Variants in GPN1 observed in about 807,000 individuals in gnomAD.
GPN1 encodes the protein GPN-loop GTPase 1.
A neutral mutation model predicts 55.9 loss-of-function variants in GPN1; 44 were observed. That is an observed-to-expected ratio of 0.79 (90% CI 0.62 to 1.01). GPN1 has a LOEUF of 1.01. GPN1 is among the 50% of genes least tolerant of loss of function. The probability of loss-of-function intolerance (pLI) is 0.00; values close to 1 mark genes in which losing one functional copy is unlikely to be tolerated. For missense variants in GPN1, 466 were observed against 462.8 expected, an observed-to-expected ratio of 1.01 and a Z score of -0.06; for synonymous variants, 179 against 162.5, an observed-to-expected ratio of 1.10 and a Z score of -0.77.
At chr2:27,649,354 G>A (rs1316314961) in intron 13 of GPN1, among the ~76,000 whole-genome samples, 2 of 151,880 alleles carry the variant, frequency 1.3e-5, no homozygotes, top group African/African-American at 4.8e-5. Context: ...GGTTTTACAT[G>A]TAAATTGCCT....
rs780750410 is a variant in GPN1, at chr2:27,650,236, C to T, written c.*36C>T. ...CACACTTCACTTGTTTCTAGAAGTC[C>T]AGAATTTTGGACCTCCACGTGAAAG... On this transcript the variant is annotated 3_prime_UTR_variant, in exon 14 of 14. Transcript: ENST00000610189. 9.4e-6 allele frequency: 12 copies of T among 1,280,988 alleles called. No homozygotes were observed. The Admixed American group carries it at 2.1e-4, about 22-fold the overall frequency. The allele number at this position is 1,280,988 out of a possible 1,614,324, so 79.4% of individuals were successfully genotyped here. A position where few individuals can be genotyped will look rare whatever the true frequency, so the allele number is the denominator to read the frequency against.
At chr2:27,638,861 A>G (rs375273469) in intron 8 of GPN1, 24 bp from the exon 9 acceptor site, 13 of 1,580,452 alleles carry the variant, frequency 8.2e-6, no homozygotes, top group Middle Eastern at 3.6e-4. Flanking sequence ...CTGGTTGCTC[A>G]TAATTGACTT....
intron 3 of GPN1, 183 bp downstream of exon 3, chr2:27,631,249 C>T: frequency 1.7e-6 from 1 of 591,292 alleles, no homozygotes; most frequent in South Asian, 2.0e-5. Context: ...GTTTTCTTAC[C>T]ATCTCCCCAG....
chr2:27,634,698 G>A, intron 5 of GPN1, 148 bp from the exon 6 acceptor site: 1 of 639,766 alleles, frequency 1.6e-6, no homozygotes, highest in Non-Finnish European at 2.9e-6. Context: ...ATCATGTGCA[G>A]TTTAGGGCCA....
intron 5 of GPN1, among the ~76,000 whole-genome samples, chr2:27,634,515 G>A (rs527589836): frequency 2.0e-5 from 3 of 152,044 alleles, no homozygotes; most frequent in Admixed American, 6.5e-5. Context: ...ACTCACCCCC[G>A]CCCTAAGCAA....
upstream of GPN1, chr2:27,629,018 T>A (rs1490795517): frequency 6.2e-6 from 10 of 1,613,300 alleles, no homozygotes; most frequent in Non-Finnish European, 1.7e-6. Context: ...TCTCTACCCA[T>A]GCGGTGTCTC....
chr2:27,639,009 A>G lies in GPN1; in HGVS notation c.695A>G (p.Asp232Gly), dbSNP rs1396399901. 2 of 1,612,616 alleles carry G rather than the reference A, an allele frequency of 1.2e-6. No individual in the cohort carries two copies. The highest frequency in any genetic ancestry group is 1.7e-6 in the Non-Finnish European group (2 of 1,179,300). Residue 232 changes from aspartate to glycine, a missense_variant, in exon 9 of 14, where the codon GAT becomes GGT. Transcript: ENST00000610189. ...NLTRSMSLVLDEFYSSLRVVG... is the reference protein window; with the variant it reads ...NLTRSMSLVLGEFYSSLRVVG... ...ACTCGTTCAATGAGCCTGGTGTTAG[A>G]TGAGTTTTACAGCTCACTCAGGGTA...
intron 4 of GPN1, among the ~76,000 whole-genome samples, chr2:27,632,165 C>T (rs536393317): frequency 3.9e-5 from 6 of 152,218 alleles, no homozygotes; most frequent in South Asian, 4.1e-4. Context: ...GGTATTACCC[C>T]GAAGCTGGGA....
intron 9 of GPN1, among the ~76,000 whole-genome samples, chr2:27,639,356 A>G (rs1673853473): frequency 1.3e-5 from 2 of 152,324 alleles, no homozygotes; most frequent in South Asian, 2.1e-4. Flanking sequence ...AGGATGTAGC[A>G]TTAGAGGTAT....
At chr2:27,633,324 G>T (rs1024684266) in intron 5 of GPN1, among the ~76,000 whole-genome samples, 19 of 152,020 alleles carry the variant, frequency 1.2e-4, no homozygotes, top group African/African-American at 4.6e-4. Context: ...GTTTTGTTTT[G>T]AGACAGGGTC....
At chr2:27,645,599 G>A (rs765115112) in intron 12 of GPN1, among the ~76,000 whole-genome samples, 2 of 151,866 alleles carry the variant, frequency 1.3e-5, no homozygotes, top group Non-Finnish European at 2.9e-5. Flanking sequence ...GTGTCTTTCA[G>A]GAGTGTTTCC....
intron 8 of GPN1, 56 bp downstream of exon 8, chr2:27,638,311 G>C: frequency 3.1e-6 from 3 of 976,466 alleles, no homozygotes; most frequent in South Asian, 1.3e-5. Flanking sequence ...CTTGTGGTTA[G>C]AAGGTTTAGG....
At position 27,631,032 on chromosome 2, in the gene GPN1, C is replaced by G. The variant is rs183551437; in HGVS notation, c.211C>G (p.Arg71Gly). Residue 71 changes from arginine to glycine, a missense_variant, in exon 3 of 14, where the codon CGT becomes GGT. Coordinates refer to ENST00000610189, the MANE Select transcript of GPN1 (RefSeq NM_007266.4). ...EVPFPANIDI[R>G]DTVKYKEVMK... ...ATTCTTTTTTTTCTCCTCAGATATTCGTGATACTGTAAAGTATAAAGAAGT... is the reference window on the plus strand; with the variant it reads ...ATTCTTTTTTTTCTCCTCAGATATTGGTGATACTGTAAAGTATAAAGAAGT... 159 of 1,346,988 alleles carry G rather than the reference C, an allele frequency of 1.2e-4. 1 individual carries two copies. The highest frequency in any genetic ancestry group is 2.4e-4 in the Admixed American group (14 of 58,462). The allele number at this position is 1,346,988 out of a possible 1,614,324, so 83.4% of individuals were successfully genotyped here.
chr2:27,644,512 T>TA (rs1238589883), intron 12 of GPN1, among the ~76,000 whole-genome samples: 1 of 152,170 alleles, frequency 6.6e-6, no homozygotes, highest in Admixed American at 6.5e-5. Flanking sequence ...GAAGCCTCTA[T>TA]ATATACCTAT....
Position 27,651,266 on chromosome 2 carries a change from T to C in GPN1, c.*1066T>C, listed in dbSNP as rs1043146676. 1 of 152,240 alleles carries C rather than the reference T, an allele frequency of 6.6e-6. No homozygotes were observed. The highest frequency in any genetic ancestry group is 2.4e-5 in the African/African-American group (1 of 41,454). 9.4% of individuals were successfully genotyped at this position (152,240 alleles called of 1,614,324 possible). A position where few individuals can be genotyped will look rare whatever the true frequency, so the allele number is the denominator to read the frequency against. On this transcript the variant is annotated 3_prime_UTR_variant, in exon 14 of 14. Transcript: ENST00000610189. ...AGGAGCATCAGCATCATCTGGGGAA[T>C]TGTTCAACTTACCTCTTATAACCTA...
At chr2:27,628,995 C>T, upstream of GPN1, 2 of 1,607,832 alleles carry the variant, frequency 1.2e-6, no homozygotes, top group Non-Finnish European at 1.7e-6. Flanking sequence ...CAGCCCAGAA[C>T]ATTGCGGAAG....
chr2:27,631,881 T>C lies in GPN1; in HGVS notation c.293T>C (p.Phe98Ser). 6.3e-7 allele frequency: 1 copy of C among 1,594,718 alleles called. No homozygotes were observed. The highest frequency in any genetic ancestry group is 8.6e-7 in the Non-Finnish European group (1 of 1,162,314). The change falls in exon 4 of 14, where the codon TTT (phenylalanine) becomes TCT (serine). Residue 98 changes from phenylalanine (F) to serine (S), a missense_variant. By Grantham distance (155) the Phe-to-Ser change is radical. Transcript: ENST00000610189. ...GGCATAGTGACCTCACTCAATCTCT[T>C]TGCTACCAGATTTGATCAGGTATAT... ...NGGIVTSLNL[F>S]ATRFDQVMKF...
intron 11 of GPN1, 66 bp downstream of exon 11, chr2:27,641,345 A>G (rs899607801): frequency 6.3e-6 from 7 of 1,118,800 alleles, no homozygotes; most frequent in Admixed American, 2.0e-5. Context: ...AATCTTGATG[A>G]CATAAGTGCT....
chr2:27,633,784 ATT>A (rs58286653), intron 5 of GPN1, among the ~76,000 whole-genome samples: 7 of 146,162 alleles, frequency 4.8e-5, no homozygotes, highest in Admixed American at 6.8e-5. Flanking sequence ...GCCTGGAGGT[ATT>A]TTTTTTTTTT....
Sources: allele counts gnomAD v4.1 joint callset (sites outside exome capture counted in the v4.1 genomes callset), GRCh38; gene constraint gnomAD v4.1.1; transcripts MANE v1.5; gene names NCBI Gene and HGNC (gene_info 2026-07-23, HGNC 2026-07-21).